TYW1B: variants seen among roughly 807,000 people sequenced by gnomAD.
TYW1B encodes S-adenosyl-L-methionine-dependent tRNA 4-demethylwyosine synthase TYW1B.
In TYW1B, 73 loss-of-function variants were observed where a neutral mutation model predicts 86.9. The ratio of observed to expected loss-of-function variants is 0.84; its 90% CI spans 0.70 to 1.02. TYW1B has a LOEUF of 1.02. TYW1B is among the 50% of genes least tolerant of loss of function. The pLI is 0.00. For synonymous variants in TYW1B, 248 were observed against 292.8 expected (o/e 0.85, Z 1.56); for missense variants, 637 against 827.4 (o/e 0.77, Z 2.82).
At chr7:72,774,468 A>T (rs1787919767) in intron 7 of TYW1B, among the ~76,000 whole-genome samples, 1 of 151,960 alleles carries the variant, frequency 6.6e-6, no homozygotes, top group African/African-American at 2.4e-5. Flanking sequence ...CAAGTCTGTA[A>T]TCCCAGCACT....
At chr7:72,671,732 A>G (rs1235540483) in intron 11 of TYW1B, among the ~76,000 whole-genome samples, 2 of 152,002 alleles carry the variant, frequency 1.3e-5, no homozygotes, top group East Asian at 1.9e-4. Flanking sequence ...GATTGGCAGT[A>G]GTATTTTCAG....
Position 72,784,488 on chromosome 7 carries a change from T to C in TYW1B, c.847-6955A>G, listed in dbSNP as rs567841372. Reference sequence around the variant, plus strand: ...GAGATAATCTAGTTATGTATTTTGATTTCTCCTTTTTTCCTTTATTCTTTG... The same window carrying C: ...GAGATAATCTAGTTATGTATTTTGACTTCTCCTTTTTTCCTTTATTCTTTG... On this transcript the variant is annotated intron_variant, in intron 6 of 13. Transcript: ENST00000620995. 7.9e-4 allele frequency among the ~76,000 whole-genome samples: 121 copies of C among 152,290 alleles called. 1 individual carries two copies. Among genetic ancestry groups the C allele is most frequent in the African/African-American group, 2.6e-3 (110 of 41,578 alleles).
At chr7:72,720,937 C>T (rs1388634287) in intron 9 of TYW1B, among the ~76,000 whole-genome samples, 3 of 146,346 alleles carry the variant, frequency 2.0e-5, no homozygotes, top group Non-Finnish European at 4.5e-5. Context: ...TGTGATGTTC[C>T]CCTTCCTATG....
intron 8 of TYW1B, among the ~76,000 whole-genome samples, chr7:72,742,346 T>A (rs1787320296): frequency 6.6e-6 from 1 of 152,182 alleles, no homozygotes; most frequent in South Asian, 2.1e-4. Flanking sequence ...CCCAGACAGA[T>A]CTTGAACCCC....
chr7:72,755,939 G>A (rs535689326), intron 7 of TYW1B, among the ~76,000 whole-genome samples: 12 of 152,122 alleles, frequency 7.9e-5, no homozygotes, highest in African/African-American at 2.9e-4. Flanking sequence ...TTGTGAAAAC[G>A]GGCAGGGGCA....
intron 11 of TYW1B, among the ~76,000 whole-genome samples, chr7:72,632,782 C>G (rs1402712356): frequency 6.6e-6 from 1 of 152,010 alleles, no homozygotes; most frequent in African/African-American, 2.4e-5. Flanking sequence ...ATTCCAATGT[C>G]TGTCTAATCT....
chr7:72,744,586 T>C lies in TYW1B; in HGVS notation c.980A>G (p.Glu327Gly). 6.2e-7 allele frequency: 1 copy of C among 1,613,786 alleles called. No individual in the cohort carries two copies. The highest frequency in any genetic ancestry group is 8.5e-7 in the Non-Finnish European group (1 of 1,179,748). The change falls in exon 8 of 14, where the codon GAG becomes GGG. Residue 327 changes from glutamate to glycine, a missense_variant. Coordinates refer to ENST00000620995, the MANE Select transcript of TYW1B (RefSeq NM_001145440.3). Reference protein sequence around the residue: ...ALTKQVDAPRERSLLQTHILW... With the variant: ...ALTKQVDAPRGRSLLQTHILW... ...AATGTGTGTTTGTAACAAGCTCCTC[T>C]CCCTCGGAGCATCGACTATGACAAG... is the stretch of plus-strand genomic sequence containing the variant.
At chr7:72,588,493 G>A (rs188116165) in intron 13 of TYW1B, among the ~76,000 whole-genome samples, 39 of 152,250 alleles carry the variant, frequency 2.6e-4, no homozygotes, top group African/African-American at 8.2e-4. Context: ...AAGATGGGAG[G>A]GTGTGGGGGT....
chr7:72,827,888 G>T (rs1350093262), intron 1 of TYW1B, among the ~76,000 whole-genome samples, 184 bp downstream of exon 1: 14 of 152,204 alleles, frequency 9.2e-5, no homozygotes, highest in Admixed American at 3.3e-4. Flanking sequence ...AGCCTCAAAA[G>T]GCAAAAGCCA....
At chr7:72,790,147 T>C (rs1240805290) in intron 6 of TYW1B, among the ~76,000 whole-genome samples, 3 of 151,638 alleles carry the variant, frequency 2.0e-5, no homozygotes, top group Non-Finnish European at 4.4e-5. Flanking sequence ...AAACGGGGTT[T>C]CACCATGGTG....
intron 7 of TYW1B, among the ~76,000 whole-genome samples, chr7:72,753,130 AAAGAAGAGCTCGCCTTT>A (rs1787529280): frequency 6.6e-6 from 1 of 152,056 alleles, no homozygotes; most frequent in East Asian, 1.9e-4. Flanking sequence ...AAAAAAAAAG[AAAGAAGAGCTCGCCTTT>A]ACAGAATAAT....
chr7:72,771,519 G>A (rs1465784883), intron 7 of TYW1B, among the ~76,000 whole-genome samples: 1 of 152,008 alleles, frequency 6.6e-6, no homozygotes, highest in Non-Finnish European at 1.5e-5. Context: ...TAAATTTATT[G>A]ACAGTGTATA....
chr7:72,787,570 A>G (rs1788150404), intron 6 of TYW1B, among the ~76,000 whole-genome samples: 1 of 152,094 alleles, frequency 6.6e-6, no homozygotes, highest in Non-Finnish European at 1.5e-5. Context: ...CAATGGATCA[A>G]GACCATCCTG....
At chr7:72,678,042 C>A (rs530348843) in intron 11 of TYW1B, among the ~76,000 whole-genome samples, 3 of 152,008 alleles carry the variant, frequency 2.0e-5, no homozygotes, top group Non-Finnish European at 4.4e-5. Flanking sequence ...TCCACCTAGC[C>A]CAAGGTGAAG....
chr7:72,681,895 T>G (rs1554448530), intron 11 of TYW1B, among the ~76,000 whole-genome samples: 1 of 151,140 alleles, frequency 6.6e-6, no homozygotes, highest in Admixed American at 6.6e-5. Context: ...GTCTGTTTTT[T>G]TAGATGGAGT....
intron 11 of TYW1B, among the ~76,000 whole-genome samples, chr7:72,678,880 T>G (rs1310609333): frequency 1.3e-5 from 2 of 151,718 alleles, no homozygotes; most frequent in Non-Finnish European, 2.9e-5. Context: ...GAGGATCACT[T>G]GAGGCCAGGA....
At chr7:72,683,867 A>C (rs1554448811) in intron 11 of TYW1B, among the ~76,000 whole-genome samples, 1 of 152,206 alleles carries the variant, frequency 6.6e-6, no homozygotes, top group African/African-American at 2.4e-5. Flanking sequence ...GAACAGATGG[A>C]CAATGTAAAC....
intron 8 of TYW1B, among the ~76,000 whole-genome samples, chr7:72,735,442 C>T (rs1216483116): frequency 6.6e-6 from 1 of 151,802 alleles, no homozygotes; most frequent in African/African-American, 2.4e-5. Context: ...CGTGGTGGCA[C>T]GAGCCTGTAA....
Position 72,694,667 on chromosome 7 carries a change from TA to T in TYW1B, c.1506+19del, listed in dbSNP as rs1563061482. ...CACCTGAGGGTTGTTTATTTATTTT[TA>T]AGATGTCATAATTCTTACCTTGACT... On this transcript the variant is annotated intron_variant, in intron 11 of 13. Transcript: ENST00000620995. 6.3e-7 allele frequency: 1 copy of T among 1,589,610 alleles called. No individual in the cohort carries two copies. Among genetic ancestry groups the T allele is most frequent in the Non-Finnish European group, 8.5e-7 (1 of 1,173,758 alleles).
Sources: gnomAD v4.1 joint callset for allele counts (sites outside exome capture counted in the v4.1 genomes callset) on GRCh38, gnomAD v4.1.1 for gene constraint, MANE v1.5 for transcripts, NCBI Gene and HGNC (gene_info 2026-07-23, HGNC 2026-07-21) for gene names.